The following PCDH7 variants were observed in gnomAD, a reference collection of about 807,000 sequenced individuals.
PCDH7 encodes the protein protocadherin-7.
A neutral mutation model predicts 58.9 loss-of-function variants in PCDH7; 17 were observed. The observed-to-expected ratio is 0.29, with a 90% CI of 0.20 to 0.43. PCDH7 has a LOEUF of 0.43. Among genes scored for constraint, PCDH7 ranks in the 20% least tolerant of loss-of-function variants. The probability of loss-of-function intolerance (pLI) is 1.00; values close to 1 mark genes in which losing one functional copy is unlikely to be tolerated. For synonymous variants in PCDH7, 664 were observed against 616.4 expected, an observed-to-expected ratio of 1.08 and a Z score of -1.14; for missense variants, 1,274 against 1,441.0, an observed-to-expected ratio of 0.88 and a Z score of 1.88.
At chr4:31,110,164 C>G (rs1370963614) in intron 3 of PCDH7, among the ~76,000 whole-genome samples, 1 of 152,120 alleles carries the variant, frequency 6.6e-6, no homozygotes, top group African/African-American at 2.4e-5. Context: ...CCCAGTTTTC[C>G]GCTGAGGAAA....
intron 1 of PCDH7, among the ~76,000 whole-genome samples, chr4:30,752,318 G>C (rs1718637269): frequency 6.6e-6 from 1 of 152,052 alleles, no homozygotes; most frequent in South Asian, 2.1e-4. Context: ...ATTTTTAGTA[G>C]AGACGGGGTT....
chr4:31,084,695 G>T (rs1434520039), intron 3 of PCDH7, among the ~76,000 whole-genome samples: 2 of 113,336 alleles, frequency 1.8e-5, no homozygotes, highest in Non-Finnish European at 3.6e-5. Flanking sequence ...GGAGGGGAGG[G>T]AAGGGGAAAA....
chr4:30,982,918 A>G (rs940868911), intron 3 of PCDH7, among the ~76,000 whole-genome samples: 1 of 152,232 alleles, frequency 6.6e-6, no homozygotes, highest in Non-Finnish European at 1.5e-5. Context: ...TTAAAAATTT[A>G]AAGAAAAATA....
intron 1 of PCDH7, among the ~76,000 whole-genome samples, chr4:30,845,537 G>A (rs1411117617): frequency 1.3e-5 from 2 of 152,140 alleles, no homozygotes; most frequent in African/African-American, 4.8e-5. Flanking sequence ...ATGTTTTTAA[G>A]TTGGTGTAAA....
Position 30,723,666 on chromosome 4 carries a change from T to G in PCDH7, c.2244T>G (p.Ile748Met). The G allele has an allele frequency of 6.2e-7, 1 of 1,614,136 alleles. No homozygotes were observed. Among genetic ancestry groups the G allele is most frequent in the Non-Finnish European group, 8.5e-7 (1 of 1,180,034 alleles). ...CCACAGTTACCCTTCCCAAAAACAT[T>G]TCCTACACTTTACTGCCACCTTCGA... The change falls in exon 1 of 2, where the codon ATT becomes ATG. Residue 748 changes from isoleucine to methionine, a missense_variant. Around this residue, in one of 3 missense-constraint regions of PCDH7, gnomAD observed 731 missense variants for 881.9 expected, o/e 0.83. Coordinates refer to ENST00000361762, the Ensembl canonical transcript of PCDH7. The surrounding 1 kb of genome is among the most constrained non-coding windows in gnomAD (Gnocchi z 4.6).
intron 3 of PCDH7, among the ~76,000 whole-genome samples, chr4:31,013,986 A>C (rs1301526504): frequency 2.6e-5 from 4 of 152,178 alleles, no homozygotes; most frequent in Non-Finnish European, 4.4e-5. Context: ...AATATTTGCA[A>C]AGAAATCATA....
intron 1 of PCDH7, among the ~76,000 whole-genome samples, chr4:30,778,682 A>G (rs1446444908): frequency 6.6e-6 from 1 of 152,156 alleles, no homozygotes; most frequent in African/African-American, 2.4e-5. Flanking sequence ...GATATTATTA[A>G]TGCAAAATTT....
intron 3 of PCDH7, among the ~76,000 whole-genome samples, chr4:31,082,321 G>A (rs1711601484): frequency 1.3e-5 from 2 of 152,074 alleles, no homozygotes; most frequent in African/African-American, 4.8e-5. Flanking sequence ...TGTAAGGTGA[G>A]AACCATATAC....
chr4:30,891,779 T>TG (rs1491001159), intron 1 of PCDH7, among the ~76,000 whole-genome samples: 2 of 141,620 alleles, frequency 1.4e-5, no homozygotes, highest in Non-Finnish European at 3.2e-5. Context: ...TTTTGTTTTT[T>TG]TTTTTTCTCT....
At chr4:31,063,316 T>A (rs1757837811) in intron 3 of PCDH7, among the ~76,000 whole-genome samples, 1 of 151,830 alleles carries the variant, frequency 6.6e-6, no homozygotes. Context: ...TAATACATCT[T>A]CTTTCTAATG....
intron 3 of PCDH7, among the ~76,000 whole-genome samples, chr4:31,026,055 A>G (rs1222360175): frequency 6.6e-6 from 1 of 152,224 alleles, no homozygotes; most frequent in Non-Finnish European, 1.5e-5. Context: ...GTTATATGCC[A>G]TGTCTTACAC....
At chr4:30,950,784 C>T (rs530949888) in intron 3 of PCDH7, among the ~76,000 whole-genome samples, 4 of 152,250 alleles carry the variant, frequency 2.6e-5, no homozygotes, top group South Asian at 2.1e-4. Flanking sequence ...AACTTTCTTT[C>T]GTCAACTCAG....
At chr4:30,958,905 G>GTAGAT (rs769978764) in intron 3 of PCDH7, among the ~76,000 whole-genome samples, 3 of 151,974 alleles carry the variant, frequency 2.0e-5, no homozygotes, top group African/African-American at 4.8e-5. Flanking sequence ...ATTTTACTTA[G>GTAGAT]TAGATAATAC....
At chr4:31,092,672 A>G (rs1713411303) in intron 3 of PCDH7, among the ~76,000 whole-genome samples, 1 of 152,040 alleles carries the variant, frequency 6.6e-6, no homozygotes, top group African/African-American at 2.4e-5. Context: ...GCAATTTAAG[A>G]GCCTCTAATT....
intron 3 of PCDH7, among the ~76,000 whole-genome samples, chr4:31,010,469 A>G (rs1374008645): frequency 2.6e-5 from 4 of 151,976 alleles, no homozygotes; most frequent in African/African-American, 9.7e-5. Flanking sequence ...AAAAAATTGG[A>G]AAAGGTAAGA....
chr4:30,978,155 C>T lies in PCDH7; in HGVS notation c.*7+27940C>T, dbSNP rs143562158. 3.1e-3 allele frequency among the ~76,000 whole-genome samples: 467 copies of T among 152,254 alleles called. 3 individuals carry two copies. The highest frequency in any genetic ancestry group is 0.01 in the African/African-American group (431 of 41,554). Reference sequence around the variant, plus strand: ...TCTGAGTTCACAGAATCCTGACTCCCTTATCCTAAGATTACATAAGAAAAC... The same window carrying T: ...TCTGAGTTCACAGAATCCTGACTCCTTTATCCTAAGATTACATAAGAAAAC... On this transcript the variant is annotated intron_variant, in intron 3 of 3. Coordinates refer to the PCDH7 transcript ENST00000509759.
At chr4:30,967,119 A>G (rs1227115223) in intron 3 of PCDH7, among the ~76,000 whole-genome samples, 1 of 152,138 alleles carries the variant, frequency 6.6e-6, no homozygotes, top group Admixed American at 6.5e-5. Flanking sequence ...AAAAATTGTA[A>G]CTTAAAAAGT....
intron 2 of PCDH7, among the ~76,000 whole-genome samples, chr4:30,943,468 G>A (rs1042442519): frequency 4.3e-4 from 66 of 152,228 alleles, no homozygotes; most frequent in African/African-American, 1.5e-3. Context: ...GCCAGTGAGT[G>A]GCTGAAATGC....
intron 1 of PCDH7, chr4:30,730,652 G>T (rs3756025): frequency 0.15 from 116,912 of 778,458 alleles, 9,730 homozygotes; most frequent in East Asian, 0.29. Flanking sequence ...TCTTAGCTCC[G>T]AAATCTCTAC....
Sources: gnomAD v4.1 joint callset for allele counts (sites outside exome capture counted in the v4.1 genomes callset) on GRCh38, gnomAD v4.1.1 for gene constraint, gnomAD v4.1.1 regional missense constraint, Gnocchi (gnomAD v3.1) non-coding constraint, MANE v1.5 for transcripts, NCBI Gene and HGNC (gene_info 2026-07-23, HGNC 2026-07-21) for gene names.